EXOC4: variants seen among roughly 807,000 people sequenced by gnomAD.
The protein encoded by EXOC4 is SEC8-like 1.
In EXOC4, 71 loss-of-function variants were observed where a neutral mutation model predicts 107.2. The ratio of observed to expected loss-of-function variants is 0.66; its 90% CI spans 0.55 to 0.81. The LOEUF (loss-of-function observed/expected upper bound fraction) is 0.81. Among genes scored for constraint, EXOC4 ranks in the 30% least tolerant of loss-of-function variants. The probability of loss-of-function intolerance (pLI) is 0.00; values close to 1 mark genes in which losing one functional copy is unlikely to be tolerated. For missense variants in EXOC4, 1,108 were observed against 1,189.6 expected (o/e 0.93, Z 1.01); for synonymous variants, 456 against 441.2 (o/e 1.03, Z -0.42).
rs35280420 is a variant in EXOC4 at position 133,439,182 on chromosome 7, C to CTTTTTTTTTT, written c.1183-36134_1183-36125dup. ...GGAAATATACCATATTTCATCAGTT[C>CTTTTTTTTTT]TTTTTTTTTTTTTTTTTTTTTGAGA... On this transcript the variant is annotated intron_variant, in intron 7 of 17. Transcript: ENST00000253861. Among the ~76,000 whole-genome samples, 24 of 94,080 alleles carry CTTTTTTTTTT rather than the reference C, an allele frequency of 2.6e-4. 2 individuals carry two copies. The highest frequency in any genetic ancestry group is 3.4e-4 in the Non-Finnish European group (18 of 52,242). 61.7% of individuals were successfully genotyped at this position (94,080 alleles called of 152,430 possible).
At chr7:133,377,581 A>G (rs895553915) in intron 7 of EXOC4, among the ~76,000 whole-genome samples, 4 of 152,130 alleles carry the variant, frequency 2.6e-5, no homozygotes, top group Admixed American at 6.6e-5. Flanking sequence ...ACAGAAGGAG[A>G]GAGGACAGAG....
At chr7:133,948,037 G>A (rs1370522300) in intron 14 of EXOC4, among the ~76,000 whole-genome samples, 2 of 152,190 alleles carry the variant, frequency 1.3e-5, no homozygotes, top group Non-Finnish European at 2.9e-5. Flanking sequence ...AATCACCAGA[G>A]CCTGAGCCGA....
At chr7:133,271,209 C>T (rs958717005) in intron 1 of EXOC4, among the ~76,000 whole-genome samples, 5 of 152,056 alleles carry the variant, frequency 3.3e-5, no homozygotes, top group East Asian at 3.9e-4. Flanking sequence ...TGAACCACTG[C>T]GCCTGGCCTC....
chr7:133,897,564 GA>G (rs1290155047), intron 12 of EXOC4, among the ~76,000 whole-genome samples: 4 of 151,948 alleles, frequency 2.6e-5, no homozygotes, highest in African/African-American at 9.7e-5. Flanking sequence ...TTCCAGTGAG[GA>G]AATGAAATAG....
At chr7:133,692,353 C>T (rs891754296) in intron 10 of EXOC4, among the ~76,000 whole-genome samples, 2 of 152,154 alleles carry the variant, frequency 1.3e-5, no homozygotes, top group Non-Finnish European at 2.9e-5. Context: ...CTAGGAATTA[C>T]TCATTGTGTG....
At chr7:133,459,627 G>T (rs1398873421) in intron 7 of EXOC4, among the ~76,000 whole-genome samples, 1 of 152,144 alleles carries the variant, frequency 6.6e-6, no homozygotes, top group Non-Finnish European at 1.5e-5. Flanking sequence ...AAAATGGGGA[G>T]TAAATAGTTG....
intron 10 of EXOC4, among the ~76,000 whole-genome samples, chr7:133,783,232 A>G (rs1248102123): frequency 6.6e-6 from 1 of 152,158 alleles, no homozygotes; most frequent in Non-Finnish European, 1.5e-5. Context: ...TCCCTGTCAC[A>G]GGAGACCTAA....
intron 9 of EXOC4, among the ~76,000 whole-genome samples, chr7:133,583,139 T>G (rs1375556484): frequency 6.6e-6 from 1 of 152,234 alleles, no homozygotes; most frequent in East Asian, 1.9e-4. Context: ...TCTTTGTTTC[T>G]TCATATTCTC....
chr7:133,883,751 G>C (rs1018276398), intron 11 of EXOC4, among the ~76,000 whole-genome samples: 1 of 152,180 alleles, frequency 6.6e-6, no homozygotes, highest in Non-Finnish European at 1.5e-5. Flanking sequence ...TTTTCAAAAA[G>C]ATTACTCTGC....
At chr7:133,967,272 C>T (rs561546634) in intron 14 of EXOC4, among the ~76,000 whole-genome samples, 7 of 117,688 alleles carry the variant, frequency 5.9e-5, no homozygotes, top group African/African-American at 2.0e-4. Context: ...AAAACCAGCT[C>T]CTGGATTCAC....
intron 7 of EXOC4, among the ~76,000 whole-genome samples, chr7:133,400,552 T>A (rs1035615124): frequency 6.6e-6 from 1 of 152,224 alleles, no homozygotes; most frequent in African/African-American, 2.4e-5. Flanking sequence ...TTTTTGCTTT[T>A]CTTTTTTACA....
intron 3 of EXOC4, among the ~76,000 whole-genome samples, chr7:133,304,587 A>T (rs1389671286): frequency 6.6e-6 from 1 of 152,072 alleles, no homozygotes; most frequent in Non-Finnish European, 1.5e-5. Flanking sequence ...TTTCTTTACC[A>T]TTTCAGGCTG....
intron 7 of EXOC4, among the ~76,000 whole-genome samples, chr7:133,389,453 A>G (rs748624199): frequency 6.6e-6 from 1 of 151,498 alleles, no homozygotes; most frequent in Non-Finnish European, 1.5e-5. Context: ...GGTGCCTGTA[A>G]TCCCAGCTAC....
At chr7:133,953,248 T>C (rs943037087) in intron 14 of EXOC4, among the ~76,000 whole-genome samples, 1 of 152,148 alleles carries the variant, frequency 6.6e-6, no homozygotes, top group African/African-American at 2.4e-5. Context: ...AAGAGTTTGC[T>C]GCCTTCAAAT....
chr7:133,704,148 T>G (rs1794720541), intron 10 of EXOC4, among the ~76,000 whole-genome samples: 1 of 152,194 alleles, frequency 6.6e-6, no homozygotes, highest in South Asian at 2.1e-4. Flanking sequence ...TGACGAGAAC[T>G]TGCCATGTTG....
intron 9 of EXOC4, among the ~76,000 whole-genome samples, chr7:133,556,456 A>C (rs1334435406): frequency 6.6e-6 from 1 of 152,020 alleles, no homozygotes; most frequent in African/African-American, 2.4e-5. Context: ...ATTGTTTCTT[A>C]TCCATCTTCA....
intron 10 of EXOC4, among the ~76,000 whole-genome samples, chr7:133,738,224 T>C (rs1194934012): frequency 6.6e-6 from 1 of 152,088 alleles, no homozygotes; most frequent in Non-Finnish European, 1.5e-5. Context: ...TGCTTGATTA[T>C]TAAATCCAAA....
At chr7:133,949,775 A>AC (rs11377104) in intron 14 of EXOC4, among the ~76,000 whole-genome samples, 80,823 of 151,972 alleles carry the variant, frequency 0.53, 22,647 homozygotes, top group Admixed American at 0.65. Flanking sequence ...CACTTCCACC[A>AC]ACTTTTCTTA....
chr7:133,713,596 C>G (rs1267989123), intron 10 of EXOC4, among the ~76,000 whole-genome samples: 1 of 152,136 alleles, frequency 6.6e-6, no homozygotes, highest in African/African-American at 2.4e-5. Flanking sequence ...ACCCACATCT[C>G]CTCTTGGATT....
Sources: allele counts gnomAD v4.1 joint callset (sites outside exome capture counted in the v4.1 genomes callset), GRCh38; gene constraint gnomAD v4.1.1; transcripts MANE v1.5; gene names NCBI Gene and HGNC (gene_info 2026-07-23, HGNC 2026-07-21).